The following IL15RA variants were observed in gnomAD, a reference collection of about 807,000 sequenced individuals.
The protein encoded by IL15RA is interleukin-15 receptor subunit alpha.
IL15RA carries 26 observed loss-of-function variants against 24.2 expected under a neutral mutation model. The ratio of observed to expected loss-of-function variants is 1.07; its 90% CI spans 0.79 to 1.49. The LOEUF (loss-of-function observed/expected upper bound fraction) is 1.49. IL15RA is among the 40% of genes most tolerant of loss of function. The probability of loss-of-function intolerance (pLI) is 0.00; values close to 1 mark genes in which losing one functional copy is unlikely to be tolerated. For synonymous variants in IL15RA, 166 were observed against 157.6 expected, an observed-to-expected ratio of 1.05 and a Z score of -0.40; for missense variants, 354 against 356.4, an observed-to-expected ratio of 0.99 and a Z score of 0.05.
rs7898286 is a variant in IL15RA at position 5,967,499 on chromosome 10, G to T, written c.89-1160C>A. On this transcript the variant is annotated intron_variant, in intron 1 of 6. Transcript: ENST00000379977. The surrounding 1 kb of genome is among the most constrained non-coding windows in gnomAD (Gnocchi z 4.4). ...ATTACAGGTGTGAGCCACCGCACCC[G>T]GCCAAGATCAGATCATTCCTTTGCA... Among the ~76,000 whole-genome samples, 47,076 of 152,138 alleles carry T rather than the reference G, an allele frequency of 0.31. 8,631 individuals are homozygous for T. Among genetic ancestry groups the T allele is most frequent in the Middle Eastern group, 0.45 (131 of 294 alleles).
chr10:5,955,352 G>A lies in IL15RA; in HGVS notation c.692+1027C>T, dbSNP rs538678660. 6.6e-6 allele frequency among the ~76,000 whole-genome samples: 1 copy of A among 152,182 alleles called. No individual in the cohort carries two copies. The highest frequency in any genetic ancestry group is 2.1e-4 in the South Asian group (1 of 4,818). On this transcript the variant is annotated intron_variant, in intron 6 of 6. Coordinates refer to ENST00000379977, the MANE Select transcript of IL15RA (RefSeq NM_002189.4). This position sits in a 1 kb window ranked among gnomAD's most constrained non-coding sequence, Gnocchi z 5.3. ...GACCTCACGCGATCTGCCTGCCTTG[G>A]CCTCCCGAAGTGCTGGGATTACAGG...
intron 1 of IL15RA, among the ~76,000 whole-genome samples, chr10:5,969,276 A>T (rs1352496125): frequency 6.8e-6 from 1 of 147,458 alleles, no homozygotes; most frequent in Non-Finnish European, 1.5e-5. Flanking sequence ...TTTAATTAAA[A>T]TTTTATAATT....
intron 6 of IL15RA, among the ~76,000 whole-genome samples, chr10:5,954,811 A>G (rs1336700043): frequency 1.3e-5 from 2 of 152,162 alleles, no homozygotes; most frequent in Non-Finnish European, 2.9e-5. Context: ...TTTATATTGG[A>G]AATTCTGTAG....
rs1047067387 is a variant in IL15RA, at chr10:5,966,090, T to G, written c.283+55A>C. 1.1e-5 allele frequency: 14 copies of G among 1,264,520 alleles called. 1 individual carries two copies. The highest frequency in any genetic ancestry group is 3.5e-5 in the Admixed American group (2 of 56,902). The allele number at this position is 1,264,520 out of a possible 1,614,324, so 78.3% of individuals were successfully genotyped here. On this transcript the variant is annotated intron_variant, in intron 2 of 6. Transcript: ENST00000379977. This position sits in a 1 kb window ranked among gnomAD's most constrained non-coding sequence, Gnocchi z 6.4. The stretch of plus-strand genomic sequence containing the variant: ...CCCCTGAGATGGGGTCTTCTCTCTG[T>G]GCAGCCTTGGCAGGGTGGGGGAGGG...
chr10:5,959,217 G>A lies in IL15RA; in HGVS notation c.616+537C>T, dbSNP rs1835085513. On this transcript the variant is annotated intron_variant, in intron 5 of 6. Transcript: ENST00000379977. The surrounding 1 kb of genome is among the most constrained non-coding windows in gnomAD (Gnocchi z 4.1). ...GATGGGGTCTTGCTATGTTGACCAG[G>A]CTGGCCTCAAATTCTGGCCTCAAGC... is the stretch of plus-strand genomic sequence containing the variant. Among the ~76,000 whole-genome samples, 2 of 148,848 alleles carry A rather than the reference G, an allele frequency of 1.3e-5. No homozygotes were observed. The highest frequency in any genetic ancestry group is 3.2e-3 in the Middle Eastern group (1 of 312).
intron 1 of IL15RA, among the ~76,000 whole-genome samples, chr10:5,974,073 C>T (rs1311804580): frequency 6.6e-6 from 1 of 152,110 alleles, no homozygotes; most frequent in African/African-American, 2.4e-5. Flanking sequence ...GATCTCTGCT[C>T]ACCGCAACCT....
rs1554822387 is a variant in IL15RA, at chr10:5,967,181, G to GCTTTGCCTTA, written c.89-843_89-842insTAAGGCAAAG. ...GCAAGATCGGGCCTTGCCTTGTCTT[G>GCTTTGCCTTA]CCTTGCCTTACCTTGCCTTACCTTG... On this transcript the variant is annotated intron_variant, in intron 1 of 6. Transcript: ENST00000379977. The surrounding 1 kb of genome is among the most constrained non-coding windows in gnomAD (Gnocchi z 4.4). 1.3e-5 allele frequency among the ~76,000 whole-genome samples: 2 copies of GCTTTGCCTTA among 152,094 alleles called. No individual in the cohort carries two copies. The highest frequency in any genetic ancestry group is 1.3e-4 in the Admixed American group (2 of 15,266).
Position 5,953,675 on chromosome 10 carries a change from G to A in IL15RA, c.693-469C>T. The A allele has an allele frequency of 5.9e-6, 2 of 339,668 alleles. No homozygotes were observed. The highest frequency in any genetic ancestry group is 5.1e-5 in the East Asian group (1 of 19,674). The allele number at this position is 339,668 out of a possible 1,614,324, so 21.0% of individuals were successfully genotyped here. A position where few individuals can be genotyped will look rare whatever the true frequency, so the allele number is the denominator to read the frequency against. The stretch of plus-strand genomic sequence containing the variant: ...TCAAATGGCAGGAACAAGAGAAGGA[G>A]AGAGTGACTGGGAGCCTAGCCAAAC... On this transcript the variant is annotated intron_variant, in intron 6 of 6. Transcript: ENST00000379977. This position sits in a 1 kb window ranked among gnomAD's most constrained non-coding sequence, Gnocchi z 5.3.
chr10:5,977,734 C>T (rs1838688933), upstream of IL15RA: 2 of 1,031,836 alleles, frequency 1.9e-6, no homozygotes, highest in East Asian at 6.5e-5. Context: ...ACCCCTGTCC[C>T]CGGGACGCAT....
At position 5,958,223 on chromosome 10, in the gene IL15RA, TGGAAACAAACATGGTACAGAAAA is replaced by T. The variant is rs8177786; in HGVS notation, c.616+1508_616+1530del. 0.044 allele frequency: 18,570 copies of T among 422,674 alleles called. 672 individuals are homozygous for T. The highest frequency in any genetic ancestry group is 0.12 in the Admixed American group (4,674 of 38,066). 26.2% of individuals were successfully genotyped at this position (422,674 alleles called of 1,614,324 possible). A position where few individuals can be genotyped will look rare whatever the true frequency, so the allele number is the denominator to read the frequency against. ...AGGATCTACAAGGTATACCAGCAAG[TGGAAACAAACATGGTACAGAAAA>T]GGAGAAAAGAAGCAACTGTCCAGCA... is the stretch of plus-strand genomic sequence containing the variant. On this transcript the variant is annotated intron_variant, in intron 5 of 6. Transcript: ENST00000379977. This position sits in a 1 kb window ranked among gnomAD's most constrained non-coding sequence, Gnocchi z 4.3.
chr10:5,961,253 A>G lies in IL15RA; in HGVS notation c.383-686T>C, dbSNP rs900851914. ...TCTACAAAAATAAGAATAACGATAA[A>G]TTATCCAGGTGTGGTGGGCATGTGC... On this transcript the variant is annotated intron_variant, in intron 3 of 6. Transcript: ENST00000379977. The surrounding 1 kb of genome is among the most constrained non-coding windows in gnomAD (Gnocchi z 5.2). Among the ~76,000 whole-genome samples the G allele has an allele frequency of 1.1e-4, 16 of 152,042 alleles. No homozygotes were observed. Among genetic ancestry groups the G allele is most frequent in the African/African-American group, 3.6e-4 (15 of 41,396 alleles).
At chr10:5,957,304 G>T (rs1834688823) in intron 5 of IL15RA, among the ~76,000 whole-genome samples, 1 of 151,348 alleles carries the variant, frequency 6.6e-6, no homozygotes, top group Non-Finnish European at 1.5e-5. Flanking sequence ...GAGATGAAGT[G>T]TCATTTTGTT....
chr10:5,957,656 G>A (rs1355288265), intron 5 of IL15RA, among the ~76,000 whole-genome samples: 5 of 146,546 alleles, frequency 3.4e-5, no homozygotes, highest in African/African-American at 1.3e-4. Context: ...GCAGCGGCTC[G>A]AGTTTGCTCA....
In IL15RA at chr10:5,959,888, CT is replaced by C. The variant is rs1335849751; in HGVS notation, c.584-103del. ...ATGGCTTGGCTCCCATCTTAGCACC[CT>C]GGGAGACTCGTGGCTGGCGTAACCA... is the stretch of plus-strand genomic sequence containing the variant. On this transcript the variant is annotated intron_variant, in intron 4 of 6. Coordinates refer to ENST00000379977, the MANE Select transcript of IL15RA (RefSeq NM_002189.4). The surrounding 1 kb of genome is among the most constrained non-coding windows in gnomAD (Gnocchi z 4.1). 4 of 1,096,494 alleles carry C rather than the reference CT, an allele frequency of 3.6e-6. No homozygotes were observed. Among genetic ancestry groups the C allele is most frequent in the Non-Finnish European group, 5.5e-6 (4 of 725,798 alleles). The allele number at this position is 1,096,494 out of a possible 1,614,324, so 67.9% of individuals were successfully genotyped here.
Position 5,971,004 on chromosome 10 carries a change from A to C in IL15RA, c.89-4665T>G, listed in dbSNP as rs1837522765. On this transcript the variant is annotated intron_variant, in intron 1 of 6. Transcript: ENST00000379977. The surrounding 1 kb of genome is among the most constrained non-coding windows in gnomAD (Gnocchi z 5.5). ...AACTCCTGAACTCAAGCCGTCCTCC[A>C]GAGATAATACATTTAATTGAAGCAA... Among the ~76,000 whole-genome samples, 1 of 152,078 alleles carries C rather than the reference A, an allele frequency of 6.6e-6. No homozygotes were observed. The highest frequency in any genetic ancestry group is 2.4e-5 in the African/African-American group (1 of 41,402).
rs11256127 is a variant in IL15RA, at chr10:5,959,706, C to A, written c.616+48G>T. ...GCCAGGACCACCCAGCACCCTGGGACTGCGGTCACCCTGATCATAAACATA... is the reference window on the plus strand; with the variant it reads ...GCCAGGACCACCCAGCACCCTGGGAATGCGGTCACCCTGATCATAAACATA... On this transcript the variant is annotated intron_variant, in intron 5 of 6. Transcript: ENST00000379977. This position sits in a 1 kb window ranked among gnomAD's most constrained non-coding sequence, Gnocchi z 4.1. 3 of 1,588,618 alleles carry A rather than the reference C, an allele frequency of 1.9e-6. No individual in the cohort carries two copies. In the African/African-American group the frequency reaches 4.0e-5, roughly 21 times the overall value.
chr10:5,952,012 A>T (rs2132225406), downstream of IL15RA, among the ~76,000 whole-genome samples: 1 of 152,280 alleles, frequency 6.6e-6, no homozygotes, highest in African/African-American at 2.4e-5. Flanking sequence ...TCATGGCTGC[A>T]GGCAGAACAA....
intron 1 of IL15RA, among the ~76,000 whole-genome samples, chr10:5,976,488 C>T (rs1341433629): frequency 6.6e-6 from 1 of 152,194 alleles, no homozygotes; most frequent in Non-Finnish European, 1.5e-5. Context: ...AAATCATATG[C>T]ACATTTTGTA....
chr10:5,952,923 C>T lies in IL15RA; in HGVS notation c.*172G>A, dbSNP rs1025523651. ...CCCATGGGAATGCGGAGAACCTGCTCCCTCGCGCAGGAGGCGCCGACCCGG... is the reference window on the plus strand; with the variant it reads ...CCCATGGGAATGCGGAGAACCTGCTTCCTCGCGCAGGAGGCGCCGACCCGG... On this transcript the variant is annotated 3_prime_UTR_variant, in exon 7 of 7. Coordinates refer to ENST00000379977, the MANE Select transcript of IL15RA (RefSeq NM_002189.4). 81 of 622,500 alleles carry T rather than the reference C, an allele frequency of 1.3e-4. No homozygotes were observed. Among genetic ancestry groups the T allele is most frequent in the Non-Finnish European group, 2.2e-4 (75 of 347,656 alleles). 38.6% of individuals were successfully genotyped at this position (622,500 alleles called of 1,614,324 possible).
Sources: gnomAD v4.1 joint callset for allele counts (sites outside exome capture counted in the v4.1 genomes callset) on GRCh38, gnomAD v4.1.1 for gene constraint, Gnocchi (gnomAD v3.1) non-coding constraint, MANE v1.5 for transcripts, NCBI Gene and HGNC (gene_info 2026-07-23, HGNC 2026-07-21) for gene names.